FAM117B: variants seen among roughly 807,000 people sequenced by gnomAD.
FAM117B encodes the protein family with sequence similarity 117 member B.
A neutral mutation model predicts 52.8 loss-of-function variants in FAM117B; 22 were observed. The observed-to-expected ratio is 0.42, with a 90% confidence interval of 0.30 to 0.59. FAM117B has a LOEUF of 0.59. Ranked by LOEUF, FAM117B falls within the 20% of genes least tolerant of loss-of-function variation. The pLI is 0.22. For missense variants in FAM117B, 678 were observed against 802.6 expected (o/e 0.84, Z 1.88); for synonymous variants, 309 against 324.1 (o/e 0.95, Z 0.50).
chr2:202,672,073 T>C (rs1320639257), intron 1 of FAM117B, among the ~76,000 whole-genome samples: 1 of 152,204 alleles, frequency 6.6e-6, no homozygotes, highest in African/African-American at 2.4e-5. Context: ...GAAGGGAACC[T>C]GGGAATTGTA....
At chr2:202,717,017 G>A (rs146594217) in intron 2 of FAM117B, among the ~76,000 whole-genome samples, 333 of 152,212 alleles carry the variant, frequency 2.2e-3, no homozygotes, top group East Asian at 0.014. Flanking sequence ...ATTGGTCTCC[G>A]GTTCATTTGG....
chr2:202,665,102 G>A (rs977199532), intron 1 of FAM117B, among the ~76,000 whole-genome samples: 2 of 152,062 alleles, frequency 1.3e-5, no homozygotes, highest in African/African-American at 4.8e-5. Flanking sequence ...CTGCATTGTC[G>A]TGGACTGTTA....
chr2:202,682,536 C>T (rs77660771), intron 1 of FAM117B, among the ~76,000 whole-genome samples: 13 of 152,294 alleles, frequency 8.5e-5, no homozygotes, highest in African/African-American at 2.9e-4. Flanking sequence ...CTAGTTCCAG[C>T]GCCCATACAT....
At chr2:202,754,243 G>C (rs997978949) in intron 4 of FAM117B, among the ~76,000 whole-genome samples, 1 of 152,170 alleles carries the variant, frequency 6.6e-6, no homozygotes, top group African/African-American at 2.4e-5. Context: ...GATGAAGCTG[G>C]AAGCCATCAT....
chr2:202,635,098 G>C lies in FAM117B; in HGVS notation c.-90G>C. On this transcript the variant is annotated 5_prime_UTR_variant, in exon 1 of 8. Transcript: ENST00000392238. ...CGGCTTCGTCACCCCGTCTTGGGGG[G>C]CCTGCCCTCCGGCCTCGAGAATCCT... 8.0e-7 allele frequency: 1 copy of C among 1,247,402 alleles called. No individual in the cohort carries two copies. 77.3% of individuals were successfully genotyped at this position (1,247,402 alleles called of 1,614,324 possible). A position where few individuals can be genotyped will look rare whatever the true frequency, so the allele number is the denominator to read the frequency against.
At chr2:202,686,690 C>T (rs1004279048) in intron 1 of FAM117B, among the ~76,000 whole-genome samples, 8 of 151,888 alleles carry the variant, frequency 5.3e-5, no homozygotes, top group Non-Finnish European at 8.8e-5. Flanking sequence ...GCCTGTAATC[C>T]GAGCTGCTCG....
intron 1 of FAM117B, among the ~76,000 whole-genome samples, chr2:202,690,570 C>A (rs1043656267): frequency 6.6e-6 from 1 of 152,020 alleles, no homozygotes; most frequent in African/African-American, 2.4e-5. Context: ...GAAGTTACAT[C>A]TGAACTGAAT....
chr2:202,721,912 A>G (rs1691157637), intron 2 of FAM117B, among the ~76,000 whole-genome samples: 1 of 152,010 alleles, frequency 6.6e-6, no homozygotes, highest in Non-Finnish European at 1.5e-5. Context: ...GGGATTAGCC[A>G]TGCATAAGCA....
intron 2 of FAM117B, among the ~76,000 whole-genome samples, chr2:202,701,491 C>CA (rs1690794737): frequency 6.6e-6 from 1 of 152,180 alleles, no homozygotes; most frequent in Non-Finnish European, 1.5e-5. Context: ...TAAGAAAATA[C>CA]ATTTAATGAG....
At chr2:202,721,140 C>CT (rs142247421) in intron 2 of FAM117B, among the ~76,000 whole-genome samples, 7,281 of 151,772 alleles carry the variant, frequency 0.048, 596 homozygotes, top group African/African-American at 0.17. Flanking sequence ...TATAAACCAA[C>CT]TTTTTTTTTC....
At chr2:202,653,929 G>A (rs1008480019) in intron 1 of FAM117B, among the ~76,000 whole-genome samples, 7 of 151,994 alleles carry the variant, frequency 4.6e-5, no homozygotes, top group Non-Finnish European at 7.4e-5. Flanking sequence ...ATGTATATAA[G>A]CATTTGTCCG....
At chr2:202,732,713 C>T (rs957637690) in intron 4 of FAM117B, among the ~76,000 whole-genome samples, 11 of 152,106 alleles carry the variant, frequency 7.2e-5, no homozygotes, top group Non-Finnish European at 1.6e-4. Flanking sequence ...CCCAGCTACT[C>T]GGGAGGCTGC....
chr2:202,683,474 A>T (rs1254348507), intron 1 of FAM117B, among the ~76,000 whole-genome samples: 2 of 152,250 alleles, frequency 1.3e-5, no homozygotes, highest in Non-Finnish European at 2.9e-5. Context: ...TTTAAATATC[A>T]GGAATGAAAA....
In FAM117B at chr2:202,758,156, C is replaced by T. The variant is rs1691830920; in HGVS notation, c.1330+718C>T. ...TCAGTAGTCATTTATTTAGAACCTC[C>T]TCCATACAGTGTGTTGAATGTCCTA... On this transcript the variant is annotated intron_variant, in intron 6 of 7. Transcript: ENST00000392238. Among the ~76,000 whole-genome samples, 5 of 152,140 alleles carry T rather than the reference C, an allele frequency of 3.3e-5. No homozygotes were observed. The South Asian group carries it at 8.3e-4, about 25-fold the overall frequency.
At chr2:202,760,778 C>T (rs1691874453) in intron 7 of FAM117B, among the ~76,000 whole-genome samples, 1 of 152,182 alleles carries the variant, frequency 6.6e-6, no homozygotes, top group African/African-American at 2.4e-5. Context: ...TTTTGGTTTT[C>T]TGTGGCAGGG....
intron 1 of FAM117B, among the ~76,000 whole-genome samples, chr2:202,640,813 G>A (rs1415570599): frequency 2.0e-5 from 3 of 152,054 alleles, no homozygotes; most frequent in Non-Finnish European, 4.4e-5. Context: ...GTTTCACCAT[G>A]TTGCCCAGGG....
chr2:202,642,005 T>TACAC (rs1258004631), intron 1 of FAM117B, among the ~76,000 whole-genome samples: 4 of 145,456 alleles, frequency 2.7e-5, no homozygotes, highest in African/African-American at 1.0e-4. Flanking sequence ...TGCAGTGGTG[T>TACAC]GATCTCGGCT....
rs1483954685 is a variant in FAM117B, at chr2:202,634,993, G to A, written c.-195G>A. On this transcript the variant is annotated 5_prime_UTR_variant, in exon 1 of 8. Coordinates refer to ENST00000392238, the MANE Select transcript of FAM117B (RefSeq NM_173511.4). The stretch of plus-strand genomic sequence containing the variant: ...CAGAGGAGACACTATTGTTGATGAG[G>A]AGCGGCGGCGGCGGCGGCGGCGGCT... 1.5e-5 allele frequency among the ~76,000 whole-genome samples: 2 copies of A among 133,062 alleles called. No homozygotes were observed. Among genetic ancestry groups the A allele is most frequent in the African/African-American group, 3.1e-5 (1 of 32,478 alleles). 87.3% of individuals were successfully genotyped at this position (133,062 alleles called of 152,430 possible).
intron 2 of FAM117B, among the ~76,000 whole-genome samples, chr2:202,707,930 G>C (rs1690899108): frequency 6.6e-6 from 1 of 151,854 alleles, no homozygotes; most frequent in Non-Finnish European, 1.5e-5. Context: ...AGCATGCCCA[G>C]CTCATTTTTT....
Sources: allele counts gnomAD v4.1 joint callset (sites outside exome capture counted in the v4.1 genomes callset), GRCh38; gene constraint gnomAD v4.1.1; transcripts MANE v1.5; gene names NCBI Gene and HGNC (gene_info 2026-07-23, HGNC 2026-07-21).